Variants in SP100 observed in about 807,000 individuals in gnomAD.
SP100 encodes the protein nuclear autoantigen Sp-100.
In SP100, 84 loss-of-function variants were observed where a neutral mutation model predicts 130.0. The ratio of observed to expected loss-of-function variants is 0.65; its 90% CI spans 0.54 to 0.77. SP100 has a LOEUF of 0.77. Ranked by LOEUF, SP100 falls within the 30% of genes least tolerant of loss-of-function variation. SP100 has a pLI of 0.00. For synonymous variants in SP100, 331 were observed against 351.7 expected (o/e 0.94, Z 0.66); for missense variants, 978 against 1,052.2 (o/e 0.93, Z 0.97).
intron 15 of SP100, among the ~76,000 whole-genome samples, chr2:230,472,427 C>CAAAAAAAAAAAAAAAAAAA (rs201703163): frequency 3.3e-5 from 2 of 61,332 alleles, no homozygotes; most frequent in African/African-American, 8.4e-5. Flanking sequence ...GACTCCGTCT[C>CAAAAAAAAAAAAAAAAAAA]AAAAAAAAAA....
chr2:230,464,745 G>A (rs370376363), intron 11 of SP100, among the ~76,000 whole-genome samples: 1 of 152,170 alleles, frequency 6.6e-6, no homozygotes, highest in Admixed American at 6.5e-5. Context: ...GGGAGGTAGG[G>A]TAACTAGTTT....
At chr2:230,470,954 A>T (rs1397971667) in intron 15 of SP100, among the ~76,000 whole-genome samples, 8 of 141,444 alleles carry the variant, frequency 5.7e-5, no homozygotes, top group African/African-American at 2.0e-4. Flanking sequence ...GTATACATAC[A>T]TAAACACACA....
chr2:230,542,291 C>T (rs115104759), intron 28 of SP100, among the ~76,000 whole-genome samples: 3,335 of 152,234 alleles, frequency 0.022, 124 homozygotes, highest in African/African-American at 0.074. Flanking sequence ...GGTTTGTTTT[C>T]ACCCATAGAG....
chr2:230,480,669 C>A (rs7560612), intron 17 of SP100, among the ~76,000 whole-genome samples: 4,590 of 152,186 alleles, frequency 0.03, 226 homozygotes, highest in African/African-American at 0.1. Flanking sequence ...GGAGGCAAAT[C>A]TCCTGCCAGG....
At chr2:230,470,439 T>C (rs955294306) in intron 15 of SP100, 13 of 996,384 alleles carry the variant, frequency 1.3e-5, no homozygotes, top group African/African-American at 1.7e-5. Flanking sequence ...GTTGACATCA[T>C]TGTCATTTGT....
intron 2 of SP100, among the ~76,000 whole-genome samples, chr2:230,427,654 T>C (rs2062974594): frequency 6.6e-6 from 1 of 152,196 alleles, no homozygotes; most frequent in South Asian, 2.1e-4. Context: ...CTTGTTGCCT[T>C]CCTTTGTGAT....
Position 230,462,713 on chromosome 2 carries a change from G to A in SP100, c.1057+195G>A. Reference sequence around the variant, plus strand: ...AAGAAATTGTTATAAACTTATTTTTGAGAATTAGCCTTCTTTCTTGATGGA... The same window carrying A: ...AAGAAATTGTTATAAACTTATTTTTAAGAATTAGCCTTCTTTCTTGATGGA... On this transcript the variant is annotated intron_variant, in intron 10 of 28. Transcript: ENST00000340126. 7.1e-6 allele frequency: 4 copies of A among 565,034 alleles called. No individual in the cohort carries two copies. In the South Asian group the frequency reaches 8.0e-5, roughly 11 times the overall value. 35.0% of individuals were successfully genotyped at this position (565,034 alleles called of 1,614,324 possible). A position where few individuals can be genotyped will look rare whatever the true frequency, so the allele number is the denominator to read the frequency against.
chr2:230,469,872 A>G (rs767190727), intron 14 of SP100, 143 bp from the exon 15 acceptor site: 5 of 1,513,406 alleles, frequency 3.3e-6, no homozygotes, highest in Non-Finnish European at 4.4e-6. Context: ...TCAGATGATC[A>G]AAGCCAAAGG....
chr2:230,519,287 C>T (rs913832595), intron 24 of SP100, among the ~76,000 whole-genome samples: 8 of 152,198 alleles, frequency 5.3e-5, no homozygotes, highest in Admixed American at 5.2e-4. Flanking sequence ...TATGTTTTAC[C>T]AATGTCAGTG....
At chr2:230,459,021 G>A (rs1378291379) in intron 8 of SP100, among the ~76,000 whole-genome samples, 2 of 152,158 alleles carry the variant, frequency 1.3e-5, no homozygotes, top group Non-Finnish European at 2.9e-5. Flanking sequence ...CTTGGCATGT[G>A]AGACTGAGCT....
chr2:230,483,757 G>GT (rs2065940555), intron 17 of SP100, among the ~76,000 whole-genome samples: 1 of 152,134 alleles, frequency 6.6e-6, no homozygotes, highest in African/African-American at 2.4e-5. Context: ...CACATATACA[G>GT]TCAATTCTCA....
intron 18 of SP100, among the ~76,000 whole-genome samples, chr2:230,495,779 C>T (rs560040344): frequency 6.6e-6 from 1 of 152,194 alleles, no homozygotes; most frequent in Non-Finnish European, 1.5e-5. Context: ...CTCTTGCATA[C>T]TTTATTTCTT....
intron 24 of SP100, among the ~76,000 whole-genome samples, chr2:230,524,299 T>G (rs1691319122): frequency 6.8e-6 from 1 of 147,568 alleles, no homozygotes; most frequent in South Asian, 2.1e-4. Flanking sequence ...GAAGTTGTAA[T>G]TAGCAAAGAT....
intron 17 of SP100, among the ~76,000 whole-genome samples, chr2:230,488,624 A>G (rs1230797361): frequency 6.6e-6 from 1 of 152,210 alleles, no homozygotes; most frequent in African/African-American, 2.4e-5. Flanking sequence ...TGTGTTAGCC[A>G]GGACAGTCTC....
intron 17 of SP100, among the ~76,000 whole-genome samples, chr2:230,492,116 T>C (rs533168440): frequency 6.6e-6 from 1 of 152,304 alleles, no homozygotes; most frequent in South Asian, 2.1e-4. Context: ...CATTCCATTG[T>C]CCAGTCTTTT....
chr2:230,436,602 T>C (rs1297784951), intron 2 of SP100, among the ~76,000 whole-genome samples: 2 of 152,230 alleles, frequency 1.3e-5, no homozygotes, highest in African/African-American at 4.8e-5. Flanking sequence ...CCAGCCACAC[T>C]GAACTGTAAG....
At chr2:230,532,765 T>A (rs1293260152) in intron 24 of SP100, among the ~76,000 whole-genome samples, 1 of 152,076 alleles carries the variant, frequency 6.6e-6, no homozygotes, top group Non-Finnish European at 1.5e-5. Flanking sequence ...GCTAGTGCTC[T>A]TTTATTTTTA....
chr2:230,486,654 T>C (rs1029302200), intron 17 of SP100, among the ~76,000 whole-genome samples: 1 of 152,226 alleles, frequency 6.6e-6, no homozygotes, highest in South Asian at 2.1e-4. Flanking sequence ...GCATGTGTCT[T>C]TATAGTAGAA....
chr2:230,430,235 G>A (rs2063056388), intron 2 of SP100, among the ~76,000 whole-genome samples: 1 of 152,210 alleles, frequency 6.6e-6, no homozygotes, highest in Non-Finnish European at 1.5e-5. Context: ...TGTGCTCTGA[G>A]GTTGGGTAAG....
Sources: gnomAD v4.1 joint callset for allele counts (sites outside exome capture counted in the v4.1 genomes callset) on GRCh38, gnomAD v4.1.1 for gene constraint, MANE v1.5 for transcripts, NCBI Gene and HGNC (gene_info 2026-07-23, HGNC 2026-07-21) for gene names.